MECR: variants seen among roughly 807,000 people sequenced by gnomAD.
MECR encodes mitochondrial trans-2-enoyl-CoA reductase.
A neutral mutation model predicts 49.1 loss-of-function variants in MECR; 37 were observed. The ratio of observed to expected loss-of-function variants is 0.75; its 90% confidence interval spans 0.58 to 0.99. MECR has a LOEUF of 0.99. MECR is among the 50% of genes least tolerant of loss of function. The pLI, the probability that MECR is intolerant of heterozygous loss-of-function variation, is 0.00. For missense variants in MECR, 470 were observed against 479.6 expected, an observed-to-expected ratio of 0.98 and a Z score of 0.19; for synonymous variants, 198 against 191.1, an observed-to-expected ratio of 1.04 and a Z score of -0.30.
chr1:29,187,372 C>T, the MECR span, among the ~76,000 whole-genome samples: 1 of 151,168 alleles, frequency 6.6e-6, no homozygotes, highest in Non-Finnish European at 1.5e-5. Flanking sequence ...GCCACCATGC[C>T]TGGGTAATTT....
chr1:29,182,148 C>T, the MECR span, among the ~76,000 whole-genome samples: 1 of 152,218 alleles, frequency 6.6e-6, no homozygotes, highest in African/African-American at 2.4e-5. Flanking sequence ...GAAGTGTCCG[C>T]ACCTCCTAGA....
intron 4 of MECR, among the ~76,000 whole-genome samples, chr1:29,206,489 C>A (rs115468637): frequency 1.9e-3 from 282 of 152,314 alleles, no homozygotes; most frequent in African/African-American, 6.6e-3. Context: ...CAGCTCAACA[C>A]ATTTTTGCTG....
At chr1:29,216,446 T>C (rs1679426474) in intron 2 of MECR, 142 bp downstream of exon 2, 11 of 907,248 alleles carry the variant, frequency 1.2e-5, no homozygotes, top group Non-Finnish European at 1.9e-5. Context: ...CAGACAGGGC[T>C]GACACAGCCT....
rs547823684 is a variant in MECR, at chr1:29,206,393, G to A, written c.550+369C>T. On this transcript the variant is annotated intron_variant, in intron 4 of 9. Transcript: ENST00000263702. ...GAAAGTGCTATGTAAACGCTGAGTG[G>A]AATTATTAACACTAAGTTCAGCATT... Among the ~76,000 whole-genome samples the A allele has an allele frequency of 3.9e-5, 6 of 152,290 alleles. No homozygotes were observed. The South Asian group carries it at 1.0e-3, about 26-fold the overall frequency.
chr1:29,182,147 G>A, the MECR span, among the ~76,000 whole-genome samples: 2 of 152,326 alleles, frequency 1.3e-5, no homozygotes, highest in South Asian at 2.1e-4. Context: ...GGAAGTGTCC[G>A]CACCTCCTAG....
chr1:29,217,285 CTAA>C (rs1679711185), intron 1 of MECR, among the ~76,000 whole-genome samples: 1 of 148,576 alleles, frequency 6.7e-6, no homozygotes, highest in African/African-American at 2.5e-5. Flanking sequence ...TCTCGGCTCA[CTAA>C]AAGCTCCGCC....
rs749402522 is a variant in MECR at position 29,203,236 on chromosome 1, G to A, written c.551-3C>T. ...TGCATTCTGGATGACAGAATCCCCT[G>A]TGGAGCCAGGAAGAGAACCAAATCA... On this transcript the variant is annotated splice_polypyrimidine_tract_variant and splice_region_variant and intron_variant, in intron 4 of 9. Coordinates refer to ENST00000263702, the MANE Select transcript of MECR (RefSeq NM_016011.5). 8 of 1,570,112 alleles carry A rather than the reference G, an allele frequency of 5.1e-6. No homozygotes were observed. The highest frequency in any genetic ancestry group is 1.7e-4 in the Middle Eastern group (1 of 5,998).
At chr1:29,176,151 C>G in the MECR span, among the ~76,000 whole-genome samples, 7 of 152,072 alleles carry the variant, frequency 4.6e-5, no homozygotes, top group Non-Finnish European at 8.8e-5. Context: ...ACTTGGGAGG[C>G]TGAGGCAGGA....
downstream of MECR, among the ~76,000 whole-genome samples, chr1:29,190,626 T>C (rs938004094): frequency 2.0e-5 from 3 of 151,602 alleles, no homozygotes; most frequent in Non-Finnish European, 4.4e-5. Context: ...AAACGCTGTT[T>C]CTATTAAAAA....
At chr1:29,194,703 C>T (rs1673552765) in intron 9 of MECR, among the ~76,000 whole-genome samples, 1 of 152,168 alleles carries the variant, frequency 6.6e-6, no homozygotes, top group African/African-American at 2.4e-5. Flanking sequence ...CTGCGAAGGA[C>T]CCTATATGGT....
In MECR at chr1:29,194,026, A is replaced by G. The variant is rs755919757; in HGVS notation, c.1118T>C (p.Met373Thr). Residue 373 changes from methionine (M) to threonine (T), a missense_variant, in exon 10 of 10, where the codon ATG becomes ACG. Transcript: ENST00000263702. ...PFISSKQILT[M>T] ...ACTCCAGCTCTTTTGGGATGATCACATGGTGAGAATCTGCTTTGAAGATAT... is the reference window on the plus strand; with the variant it reads ...ACTCCAGCTCTTTTGGGATGATCACGTGGTGAGAATCTGCTTTGAAGATAT... 7 of 1,613,906 alleles carry G rather than the reference A, an allele frequency of 4.3e-6. No individual in the cohort carries two copies. The highest frequency in any genetic ancestry group is 2.2e-5 in the East Asian group (1 of 44,882).
chr1:29,196,326 G>A, intron 7 of MECR, 68 bp from the exon 8 acceptor site: 1 of 1,405,836 alleles, frequency 7.1e-7, no homozygotes, highest in Non-Finnish European at 9.8e-7. Context: ...AACCTGCCAT[G>A]GCGCTTCTAC....
chr1:29,195,401 G>C (rs889681487), intron 9 of MECR, among the ~76,000 whole-genome samples: 2 of 152,210 alleles, frequency 1.3e-5, no homozygotes, highest in African/African-American at 4.8e-5. Flanking sequence ...GCTCTGGGGA[G>C]CCAGTCCTCC....
intron 4 of MECR, 42 bp downstream of exon 4, chr1:29,206,720 T>G: frequency 6.2e-7 from 1 of 1,607,552 alleles, no homozygotes; most frequent in Non-Finnish European, 8.5e-7. Flanking sequence ...GGCACCCTAG[T>G]TGCGAGACCC....
At chr1:29,191,680 G>A (rs1232311115), downstream of MECR, among the ~76,000 whole-genome samples, 1 of 152,144 alleles carries the variant, frequency 6.6e-6, no homozygotes, top group Non-Finnish European at 1.5e-5. Context: ...ATTCCCCAGA[G>A]GGCAATGCAG....
At chr1:29,215,022 TA>T (rs1168201847) in intron 3 of MECR, among the ~76,000 whole-genome samples, 1 of 151,252 alleles carries the variant, frequency 6.6e-6, no homozygotes, top group African/African-American at 2.4e-5. Context: ...GCTACCTTTT[TA>T]AAAAAAAATA....
the MECR span, chr1:29,172,855 T>C: frequency 1.3e-5 from 2 of 151,976 alleles, no homozygotes; most frequent in Admixed American, 1.3e-4. Context: ...CAGCAAGAAT[T>C]AGGAGACCAA....
intron 9 of MECR, among the ~76,000 whole-genome samples, chr1:29,195,579 T>C (rs1170875578): frequency 2.6e-5 from 4 of 152,202 alleles, no homozygotes; most frequent in African/African-American, 9.6e-5. Flanking sequence ...AGAGATTAAG[T>C]AACTTGCTCA....
intron 1 of MECR, chr1:29,230,493 G>A (rs935985315): frequency 3.8e-6 from 2 of 524,340 alleles, no homozygotes; most frequent in Non-Finnish European, 6.7e-6. Context: ...GGGATTGCCT[G>A]ACACAATATT....
Sources: allele counts gnomAD v4.1 joint callset (sites outside exome capture counted in the v4.1 genomes callset), GRCh38; gene constraint gnomAD v4.1.1; transcripts MANE v1.5; gene names NCBI Gene and HGNC (gene_info 2026-07-23, HGNC 2026-07-21).